USH2A: variants seen among roughly 807,000 people sequenced by gnomAD.
USH2A encodes Usher syndrome 2A (autosomal recessive, mild).
Under a neutral mutation model 538.9 loss-of-function variants are expected in USH2A, and 443 were observed. The ratio of observed to expected loss-of-function variants is 0.82; its 90% CI spans 0.76 to 0.89. The LOEUF is 0.89. Among genes scored for constraint, USH2A ranks in the 40% least tolerant of loss-of-function variants. USH2A has a pLI of 0.00. For synonymous variants in USH2A, 2,413 were observed against 2,273.5 expected (o/e 1.06, Z -1.75); for missense variants, 6,633 against 6,324.8 (o/e 1.05, Z -1.65).
intron 21 of USH2A, among the ~76,000 whole-genome samples, chr1:216,173,083 T>G (rs985976570): frequency 6.6e-6 from 1 of 152,130 alleles, no homozygotes; most frequent in African/African-American, 2.4e-5. Context: ...AGGGATTAAA[T>G]AGGATAATAT....
At chr1:216,057,114 T>C (rs1190695198) in intron 30 of USH2A, among the ~76,000 whole-genome samples, 1 of 152,156 alleles carries the variant, frequency 6.6e-6, no homozygotes, top group Non-Finnish European at 1.5e-5. Flanking sequence ...TCAATTCTTA[T>C]TGCATAAAAT....
At chr1:215,802,301 A>T (rs1292926602) in intron 49 of USH2A, among the ~76,000 whole-genome samples, 1 of 152,098 alleles carries the variant, frequency 6.6e-6, no homozygotes, top group Non-Finnish European at 1.5e-5. Context: ...ACTTTTTGGC[A>T]TCAAAGAACA....
chr1:215,942,303 C>A (rs771624503), intron 37 of USH2A, among the ~76,000 whole-genome samples: 17 of 152,094 alleles, frequency 1.1e-4, no homozygotes, highest in Non-Finnish European at 1.9e-4. Context: ...AGTCTTCTAG[C>A]AAGACAGGTT....
intron 32 of USH2A, among the ~76,000 whole-genome samples, chr1:216,034,253 A>G (rs1172673257): frequency 6.6e-6 from 1 of 152,176 alleles, no homozygotes; most frequent in African/African-American, 2.4e-5. Context: ...GGTATCACAG[A>G]CACCAAGAGA....
chr1:216,239,860 A>T (rs1235263264), intron 13 of USH2A, among the ~76,000 whole-genome samples: 6 of 152,052 alleles, frequency 3.9e-5, no homozygotes, highest in Non-Finnish European at 5.9e-5. Flanking sequence ...ATTAGATGAG[A>T]CAAAGGTTGT....
At chr1:216,327,035 A>C (rs1447143798) in intron 5 of USH2A, among the ~76,000 whole-genome samples, 2 of 152,168 alleles carry the variant, frequency 1.3e-5, no homozygotes, top group African/African-American at 2.4e-5. Context: ...CAAGATAAGG[A>C]AATAATGTCA....
Position 215,674,261 on chromosome 1 carries a change from C to T in USH2A, c.13650G>A (p.Val4550=), listed in dbSNP as rs771387706. 1.2e-6 allele frequency: 2 copies of T among 1,614,104 alleles called. No homozygotes were observed. The highest frequency in any genetic ancestry group is 1.7e-6 in the Non-Finnish European group (2 of 1,180,018). ...LQARGPQEIL[V]NWDPPVRTNG... is the part of the protein sequence containing the mutation. ...TTGTTCTCACTGGAGGGTCCCAGTT[C>T]ACTAAGATCTCCTGAGGACCCCTGG... The change falls in exon 63 of 72, where the codon GTG becomes GTA. Residue 4550 remains valine (V), a synonymous_variant. Transcript: ENST00000307340.
At position 215,934,640 on chromosome 1, in the gene USH2A, T is replaced by C. The variant is rs141963096; in HGVS notation, c.7276A>G (p.Ile2426Val). The C allele has an allele frequency of 1.2e-5, 20 of 1,612,282 alleles. No individual in the cohort carries two copies. The Admixed American group carries it at 1.8e-4, about 15-fold the overall frequency. ...NSQGSLITDP[I>V]TIAMPPGAPD... Reference sequence around the variant, plus strand: ...CCTCCTGGAGGCATTGCAATTGTTATAGGATCAGTTATCAAGCTGCCTTGG... The same window carrying C: ...CCTCCTGGAGGCATTGCAATTGTTACAGGATCAGTTATCAAGCTGCCTTGG... The change falls in exon 38 of 72, where the codon ATA (isoleucine) becomes GTA (valine). Residue 2426 changes from isoleucine (I) to valine (V), a missense_variant. Coordinates refer to ENST00000307340, the MANE Select transcript of USH2A (RefSeq NM_206933.4).
chr1:215,882,837 TCC>T (rs1664950706), intron 41 of USH2A, among the ~76,000 whole-genome samples: 1 of 152,178 alleles, frequency 6.6e-6, no homozygotes, highest in Non-Finnish European at 1.5e-5. Flanking sequence ...TATTTGTTAA[TCC>T]TACTGACATT....
chr1:216,193,445 C>T (rs1303226796), intron 19 of USH2A, among the ~76,000 whole-genome samples: 1 of 151,914 alleles, frequency 6.6e-6, no homozygotes, highest in East Asian at 1.9e-4. Context: ...GTGTGTTGTA[C>T]ATGGGTTCTG....
chr1:215,822,026 T>C (rs1180670956), intron 47 of USH2A, among the ~76,000 whole-genome samples: 1 of 151,820 alleles, frequency 6.6e-6, no homozygotes, highest in African/African-American at 2.4e-5. Flanking sequence ...TTTCTTTAGG[T>C]TTGTGCTATA....
intron 4 of USH2A, among the ~76,000 whole-genome samples, chr1:216,343,525 T>TAAAAAAAA (rs11370265): frequency 1.5e-5 from 2 of 135,360 alleles, no homozygotes; most frequent in Admixed American, 7.5e-5. Flanking sequence ...TACTACATCT[T>TAAAAAAAA]AAAAAAAAAA....
chr1:216,028,712 T>A (rs1669025873), intron 32 of USH2A, among the ~76,000 whole-genome samples: 1 of 152,094 alleles, frequency 6.6e-6, no homozygotes, highest in Admixed American at 6.6e-5. Context: ...TCATATATAT[T>A]AAAACATTTA....
At chr1:216,170,278 A>G (rs552695846) in intron 21 of USH2A, among the ~76,000 whole-genome samples, 1 of 152,208 alleles carries the variant, frequency 6.6e-6, no homozygotes, top group South Asian at 2.1e-4. Context: ...CTTGGTAATT[A>G]ATTGCATTTC....
chr1:215,808,958 G>C (rs2102788575), intron 49 of USH2A, among the ~76,000 whole-genome samples: 1 of 152,134 alleles, frequency 6.6e-6, no homozygotes, highest in East Asian at 1.9e-4. Flanking sequence ...CTCAAAATAT[G>C]AATTTCTAGA....
At chr1:215,654,218 C>G (rs917127992) in intron 64 of USH2A, among the ~76,000 whole-genome samples, 1 of 152,128 alleles carries the variant, frequency 6.6e-6, no homozygotes, top group South Asian at 2.1e-4. Flanking sequence ...ACGTGAACAA[C>G]GTGCAGGTTT....
At chr1:216,237,494 T>TAAAAAAAAA (rs59074625) in intron 13 of USH2A, among the ~76,000 whole-genome samples, 1 of 114,296 alleles carries the variant, frequency 8.7e-6, no homozygotes, top group African/African-American at 3.3e-5. Flanking sequence ...GACTCCGTCT[T>TAAAAAAAAA]AAAAAAAAAA....
At chr1:216,091,467 T>C (rs748853406) in intron 22 of USH2A, among the ~76,000 whole-genome samples, 11 of 152,084 alleles carry the variant, frequency 7.2e-5, no homozygotes, top group Non-Finnish European at 1.3e-4. Context: ...AAAACTGTAA[T>C]TAAAAGTTGC....
intron 44 of USH2A, among the ~76,000 whole-genome samples, chr1:215,848,759 T>C (rs1224661805): frequency 1.3e-5 from 2 of 152,234 alleles, no homozygotes; most frequent in African/African-American, 4.8e-5. Flanking sequence ...ATGTGGATGT[T>C]ACACTTGGAA....
Sources: gnomAD v4.1 joint callset for allele counts (sites outside exome capture counted in the v4.1 genomes callset) on GRCh38, gnomAD v4.1.1 for gene constraint, MANE v1.5 for transcripts, NCBI Gene and HGNC (gene_info 2026-07-23, HGNC 2026-07-21) for gene names.